The following PANK3 variants were observed in gnomAD, a reference collection of about 807,000 sequenced individuals.
PANK3 encodes the protein pantothenate kinase 3.
A neutral mutation model predicts 39.4 loss-of-function variants in PANK3; 20 were observed. That is an observed-to-expected ratio of 0.51 (90% CI 0.36 to 0.74). PANK3 has a LOEUF of 0.74. PANK3 is among the 30% of genes least tolerant of loss of function. The pLI, the probability that PANK3 is intolerant of heterozygous loss-of-function variation, is 0.00. For synonymous variants in PANK3, 140 were observed against 157.3 expected (o/e 0.89, Z 0.82); for missense variants, 265 against 437.0 (o/e 0.61, Z 3.51).
intron 4 of PANK3, among the ~76,000 whole-genome samples, chr5:168,563,105 T>G (rs1759471762): frequency 6.6e-6 from 1 of 152,130 alleles, no homozygotes. Context: ...AAGATTTAAG[T>G]ATAAAAATAC....
At chr5:168,558,400 G>A (rs959902025) in intron 6 of PANK3, among the ~76,000 whole-genome samples, 1 of 151,864 alleles carries the variant, frequency 6.6e-6, no homozygotes, top group Non-Finnish European at 1.5e-5. Flanking sequence ...TCCTGACCTC[G>A]TGATCCGTCC....
At position 168,563,801 on chromosome 5, in the gene PANK3, C is replaced by T. The variant is rs535224113; in HGVS notation, c.812+88G>A. 6.4e-6 allele frequency: 8 copies of T among 1,242,486 alleles called. No individual in the cohort carries two copies. In the East Asian group the frequency reaches 1.8e-4, roughly 27 times the overall value. The allele number at this position is 1,242,486 out of a possible 1,614,324, so 77.0% of individuals were successfully genotyped here. ...AACTGGATAAGAGAAAGCACCCTTACAACTTTCTGTTACATTGCTTTCCAA... is the reference window on the plus strand; with the variant it reads ...AACTGGATAAGAGAAAGCACCCTTATAACTTTCTGTTACATTGCTTTCCAA... On this transcript the variant is annotated intron_variant, in intron 4 of 6. Coordinates refer to ENST00000239231, the MANE Select transcript of PANK3 (RefSeq NM_024594.4).
intron 1 of PANK3, among the ~76,000 whole-genome samples, chr5:168,569,990 C>T (rs939285347): frequency 3.3e-5 from 5 of 152,110 alleles, no homozygotes; most frequent in East Asian, 3.9e-4. Flanking sequence ...GCTGGGGCTG[C>T]GGTGAGCCAT....
At position 168,550,333 on chromosome 5, in the gene PANK3, CTTACGGTATTTTCAAT is replaced by C. The variant is rs1759257348; in HGVS notation, c.*7222_*7237del. 6.6e-6 allele frequency: 1 copy of C among 152,188 alleles called. No homozygotes were observed. The highest frequency in any genetic ancestry group is 1.5e-5 in the Non-Finnish European group (1 of 68,030). The allele number at this position is 152,188 out of a possible 1,614,324, so 9.4% of individuals were successfully genotyped here. Reference sequence around the variant, plus strand: ...TTAGGCGTATTAAATGTATTTTCAACTTACGGTATTTTCAATTTACAATGGGTCTACTGGAACATAA... The same window carrying C: ...TTAGGCGTATTAAATGTATTTTCAACTTACAATGGGTCTACTGGAACATAA... On this transcript the variant is annotated 3_prime_UTR_variant, in exon 7 of 7. Coordinates refer to ENST00000239231, the MANE Select transcript of PANK3 (RefSeq NM_024594.4).
chr5:168,573,697 G>A (rs1469052667), intron 1 of PANK3, among the ~76,000 whole-genome samples: 1 of 116,970 alleles, frequency 8.5e-6, no homozygotes, highest in Non-Finnish European at 1.6e-5. Flanking sequence ...TCCCCAGAGT[G>A]TGATGTTCCC....
rs1759276521 is a variant in PANK3 at position 168,551,867 on chromosome 5, T to C, written c.*5704A>G. The C allele has an allele frequency of 6.6e-6, 1 of 152,188 alleles. No homozygotes were observed. Among genetic ancestry groups the C allele is most frequent in the Admixed American group, 6.5e-5 (1 of 15,278 alleles). 9.4% of individuals were successfully genotyped at this position (152,188 alleles called of 1,614,324 possible). ...CAATTACCATGTATATTACTGGCAA[T>C]AGTACTGACTTTACCCAAACTAAGA... On this transcript the variant is annotated 3_prime_UTR_variant, in exon 7 of 7. Coordinates refer to ENST00000239231, the MANE Select transcript of PANK3 (RefSeq NM_024594.4).
At chr5:168,564,103 A>G in intron 3 of PANK3, 38 bp from the exon 4 acceptor site, 1 of 1,523,190 alleles carries the variant, frequency 6.6e-7, no homozygotes, top group Non-Finnish European at 8.9e-7. Context: ...TTGCATTTAT[A>G]CATTATATTC....
At chr5:168,576,625 T>C (rs1759734472) in intron 1 of PANK3, among the ~76,000 whole-genome samples, 1 of 152,192 alleles carries the variant, frequency 6.6e-6, no homozygotes, top group Non-Finnish European at 1.5e-5. Flanking sequence ...TGGTAATGTA[T>C]TTAGAAGAAA....
intron 4 of PANK3, among the ~76,000 whole-genome samples, chr5:168,562,130 A>G (rs1279360861): frequency 6.6e-6 from 1 of 152,210 alleles, no homozygotes; most frequent in Non-Finnish European, 1.5e-5. Flanking sequence ...ACGTGGCTAG[A>G]GGCTACTGTA....
At chr5:168,569,180 GTTTTTTT>G (rs544747926) in intron 1 of PANK3, among the ~76,000 whole-genome samples, 182 bp from the exon 2 acceptor site, 3 of 115,940 alleles carry the variant, frequency 2.6e-5, no homozygotes, top group East Asian at 4.8e-4. Context: ...TCCCTTCAAA[GTTTTTTT>G]TTTTTTTTTT....
At position 168,552,564 on chromosome 5, in the gene PANK3, A is replaced by T; in HGVS notation, c.*5007T>A. The T allele has an allele frequency of 4.9e-6, 1 of 203,698 alleles. No individual in the cohort carries two copies. Among genetic ancestry groups the T allele is most frequent in the Non-Finnish European group, 1.1e-5 (1 of 88,564 alleles). The allele number at this position is 203,698 out of a possible 1,614,324, so 12.6% of individuals were successfully genotyped here. ...CAGCCACTGCTATTGCAAACTGAAG[A>T]GTGTGGCCACAGTATTCCAGGGAAC... On this transcript the variant is annotated 3_prime_UTR_variant, in exon 7 of 7. Transcript: ENST00000239231.
In PANK3 at chr5:168,552,688, C is replaced by A. The variant is rs1433649042; in HGVS notation, c.*4883G>T. On this transcript the variant is annotated 3_prime_UTR_variant, in exon 7 of 7. Transcript: ENST00000239231. ...TACTCATCCTTTAATAACAAAGAAA[C>A]AATCATGAGGACAGAACAAAACGCC... 3 of 203,694 alleles carry A rather than the reference C, an allele frequency of 1.5e-5. No homozygotes were observed. The highest frequency in any genetic ancestry group is 3.5e-5 in the Non-Finnish European group (3 of 86,466). 12.6% of individuals were successfully genotyped at this position (203,694 alleles called of 1,614,324 possible).
At chr5:168,575,536 T>A (rs558846597) in intron 1 of PANK3, among the ~76,000 whole-genome samples, 37 of 152,314 alleles carry the variant, frequency 2.4e-4, no homozygotes, top group African/African-American at 8.7e-4. Context: ...ACATGGCTCA[T>A]GCCTGTAATC....
chr5:168,569,030 A>AATATATATATATAT lies in PANK3; in HGVS notation c.29-46_29-33dup, dbSNP rs766705356. 175 of 120,242 alleles carry AATATATATATATAT rather than the reference A, an allele frequency of 1.5e-3. 2 individuals are homozygous for AATATATATATATAT. Among genetic ancestry groups the AATATATATATATAT allele is most frequent in the East Asian group, 5.1e-3 (9 of 1,776 alleles). The allele number at this position is 120,242 out of a possible 1,614,324, so 7.4% of individuals were successfully genotyped here. ...GAGGAAAAAAAAAAAAAAAAAAAAA[A>AATATATATATATAT]ATATATATATATATATATATCCATT... On this transcript the variant is annotated intron_variant, in intron 1 of 6. Coordinates refer to ENST00000239231, the MANE Select transcript of PANK3 (RefSeq NM_024594.4).
Position 168,568,733 on chromosome 5 carries a change from C to A in PANK3, c.294G>T (p.Met98Ile). Residue 98 changes from methionine (M) to isoleucine (I), a missense_variant, in exon 2 of 7, where the codon ATG becomes ATT. Met to Ile is a conservative substitution (Grantham distance 10). Around this residue, in one of 3 missense-constraint regions of PANK3, gnomAD observed 154 missense variants for 256.8 expected, o/e 0.60. Coordinates refer to ENST00000239231, the MANE Select transcript of PANK3 (RefSeq NM_024594.4). The stretch of plus-strand genomic sequence containing the variant: ...ATGTTGAGAAGTTTTTATCTCTTCC[C>A]ATTTGGATAAAAGTAGGCAGGTCCT... ...PTQDLPTFIQMGRDKNFSTLQ... is the reference protein window; with the variant it reads ...PTQDLPTFIQIGRDKNFSTLQ... The A allele has an allele frequency of 6.2e-7, 1 of 1,614,064 alleles. No homozygotes were observed. The highest frequency in any genetic ancestry group is 8.5e-7 in the Non-Finnish European group (1 of 1,179,984).
chr5:168,562,310 G>A (rs1759460362), intron 4 of PANK3, among the ~76,000 whole-genome samples: 1 of 152,104 alleles, frequency 6.6e-6, no homozygotes. Context: ...GTATGAGGCA[G>A]GGCTTTCAGA....
At chr5:168,579,134 C>T in intron 1 of PANK3, 122 bp downstream of exon 1, 10 of 849,406 alleles carry the variant, frequency 1.2e-5, no homozygotes, top group Non-Finnish European at 1.7e-5. Context: ...CCCTCCGCCC[C>T]CATACCGGAC....
chr5:168,572,394 G>A (rs1031731720), intron 1 of PANK3, among the ~76,000 whole-genome samples: 1 of 152,140 alleles, frequency 6.6e-6, no homozygotes, highest in Non-Finnish European at 1.5e-5. Flanking sequence ...CTGGGTGCAG[G>A]CGGGCTAAGT....
At chr5:168,559,272 TTATTAG>T (rs1194812496) in intron 5 of PANK3, 115 bp from the exon 6 acceptor site, 15 of 654,052 alleles carry the variant, frequency 2.3e-5, no homozygotes, top group Non-Finnish European at 3.1e-5. Flanking sequence ...CAACTACGCT[TTATTAG>T]TATAACACCT....
Sources: gnomAD v4.1 joint callset for allele counts (sites outside exome capture counted in the v4.1 genomes callset) on GRCh38, gnomAD v4.1.1 for gene constraint, gnomAD v4.1.1 regional missense constraint, MANE v1.5 for transcripts, NCBI Gene and HGNC (gene_info 2026-07-23, HGNC 2026-07-21) for gene names.